Variants in RBFOX1 observed in about 807,000 individuals in gnomAD.
The protein encoded by RBFOX1 is RNA binding protein fox-1 homolog 1.
Under a neutral mutation model 57.7 loss-of-function variants are expected in RBFOX1, and 8 were observed. The ratio of observed to expected loss-of-function variants is 0.14; its 90% CI spans 0.08 to 0.25. The LOEUF (loss-of-function observed/expected upper bound fraction) is 0.25, where lower values mean the gene tolerates loss of function less well. Among genes scored for constraint, RBFOX1 ranks in the 10% least tolerant of loss-of-function variants. The pLI is 1.00. For missense variants in RBFOX1, 611 were observed against 548.5 expected, an observed-to-expected ratio of 1.11 and a Z score of -1.14; for synonymous variants, 326 against 222.4, an observed-to-expected ratio of 1.47 and a Z score of -4.15.
intron 10 of RBFOX1, among the ~76,000 whole-genome samples, chr16:7,626,119 G>C (rs2060028770): frequency 6.6e-6 from 1 of 152,246 alleles, no homozygotes; most frequent in Non-Finnish European, 1.5e-5. Context: ...AGATTTCCTG[G>C]AAAAAGACAA....
chr16:6,782,472 T>G (rs1223906420), intron 3 of RBFOX1, among the ~76,000 whole-genome samples: 1 of 152,126 alleles, frequency 6.6e-6, no homozygotes, highest in African/African-American at 2.4e-5. Flanking sequence ...CTCTTATTGA[T>G]CTCTTCATGT....
rs181152949 is a variant in RBFOX1, at chr16:5,437,057, C to G, written c.220-30159C>G. On this transcript the variant is annotated intron_variant, in intron 1 of 2. Transcript: ENST00000585867. ...AGACAGGCTTTCTGATGGGTTAATC[C>G]TCATATCTAGAGTGTAGACTGAACT... 4.6e-5 allele frequency among the ~76,000 whole-genome samples: 7 copies of G among 152,238 alleles called. No individual in the cohort carries two copies. The East Asian group carries it at 1.2e-3, about 25-fold the overall frequency.
intron 4 of RBFOX1, among the ~76,000 whole-genome samples, chr16:7,365,151 C>T (rs1274126395): frequency 6.6e-6 from 1 of 152,186 alleles, no homozygotes; most frequent in Non-Finnish European, 1.5e-5. Flanking sequence ...GGTTTCAAGA[C>T]TACTGTCACG....
chr16:5,584,263 A>G (rs1243676697), intron 2 of RBFOX1, among the ~76,000 whole-genome samples: 1 of 152,176 alleles, frequency 6.6e-6, no homozygotes, highest in Non-Finnish European at 1.5e-5. Flanking sequence ...GAGCTTCTGT[A>G]ATAATCCGTG....
At chr16:5,467,682 A>G (rs1020801080) in intron 2 of RBFOX1, among the ~76,000 whole-genome samples, 10 of 152,212 alleles carry the variant, frequency 6.6e-5, no homozygotes, top group Non-Finnish European at 1.2e-4. Context: ...AAACAGATCT[A>G]TACCTTAGGG....
At chr16:5,242,850 G>C (rs1205551084) in intron 1 of RBFOX1, among the ~76,000 whole-genome samples, 1 of 152,072 alleles carries the variant, frequency 6.6e-6, no homozygotes, top group Admixed American at 6.6e-5. Context: ...CCCAGGCTGT[G>C]CTCTTGTGGT....
At chr16:6,146,569 G>T (rs1438076523) in intron 1 of RBFOX1, among the ~76,000 whole-genome samples, 1 of 152,066 alleles carries the variant, frequency 6.6e-6, no homozygotes, top group Admixed American at 6.5e-5. Context: ...ACTGATACTG[G>T]CATTTTCTGC....
At chr16:6,713,242 A>T (rs568160911) in intron 3 of RBFOX1, among the ~76,000 whole-genome samples, 3 of 146,088 alleles carry the variant, frequency 2.1e-5, no homozygotes, top group African/African-American at 7.7e-5. Context: ...CTCACATGCA[A>T]CTCTGACCAT....
intron 1 of RBFOX1, among the ~76,000 whole-genome samples, chr16:6,091,771 C>T (rs902984405): frequency 6.6e-6 from 1 of 152,140 alleles, no homozygotes; most frequent in Non-Finnish European, 1.5e-5. Flanking sequence ...TTGGAGGTTG[C>T]AGAGAGCCAA....
At chr16:7,674,458 G>C (rs1478799499) in intron 13 of RBFOX1, among the ~76,000 whole-genome samples, 2 of 152,164 alleles carry the variant, frequency 1.3e-5, no homozygotes, top group Non-Finnish European at 2.9e-5. Context: ...GTGGTCTACT[G>C]CACAGCAATG....
chr16:5,578,239 C>G (rs11859338), intron 2 of RBFOX1, among the ~76,000 whole-genome samples: 76 of 152,264 alleles, frequency 5.0e-4, no homozygotes, highest in African/African-American at 1.8e-3. Flanking sequence ...CATGAGCTGC[C>G]GTGCCTGCCC....
intron 3 of RBFOX1, among the ~76,000 whole-genome samples, chr16:7,003,288 C>A (rs937382291): frequency 6.6e-6 from 1 of 151,692 alleles, no homozygotes; most frequent in Non-Finnish European, 1.5e-5. Flanking sequence ...GTGAAACCCC[C>A]GTCTCTACTA....
chr16:5,564,920 C>T (rs1032611182), intron 2 of RBFOX1, among the ~76,000 whole-genome samples: 1 of 152,136 alleles, frequency 6.6e-6, no homozygotes, highest in South Asian at 2.1e-4. Flanking sequence ...GAACACACCT[C>T]AGCCTTGGCA....
In RBFOX1 at chr16:5,425,396, G is replaced by A. The variant is rs559742349; in HGVS notation, c.220-41820G>A. Among the ~76,000 whole-genome samples the A allele has an allele frequency of 3.3e-5, 5 of 152,184 alleles. No homozygotes were observed. In the East Asian group the frequency reaches 9.7e-4, roughly 29 times the overall value. Reference sequence around the variant, plus strand: ...TGGGATTACAGGCATGAGCCACCGCGCCCGGCCAGCATGTGTGTTTTCTAT... The same window carrying A: ...TGGGATTACAGGCATGAGCCACCGCACCCGGCCAGCATGTGTGTTTTCTAT... On this transcript the variant is annotated intron_variant, in intron 1 of 2. Coordinates refer to the RBFOX1 transcript ENST00000585867.
intron 4 of RBFOX1, among the ~76,000 whole-genome samples, chr16:7,504,398 A>T (rs549243583): frequency 6.6e-6 from 1 of 152,064 alleles, no homozygotes; most frequent in Admixed American, 6.5e-5. Context: ...TTAGGGTGGC[A>T]GGAACATGGT....
intron 4 of RBFOX1, among the ~76,000 whole-genome samples, chr16:7,470,216 C>T (rs367686170): frequency 1.3e-5 from 2 of 152,212 alleles, no homozygotes; most frequent in Admixed American, 1.3e-4. Context: ...TAGAACTTAT[C>T]TCACAGAGTA....
In RBFOX1 at chr16:7,155,216, T is replaced by A. The variant is rs183779760; in HGVS notation, c.27+103118T>A. 6.6e-4 allele frequency among the ~76,000 whole-genome samples: 101 copies of A among 152,266 alleles called. 1 individual carries two copies. The East Asian group carries it at 0.019, about 28-fold the overall frequency. ...AGCTGAAACAAAGTTTTTAGCTTTT[T>A]AAAAAAATTAATTTTGAGAGAGTGA... On this transcript the variant is annotated intron_variant, in intron 4 of 15. Transcript: ENST00000550418.
At chr16:7,706,028 C>T (rs1040974976) in intron 14 of RBFOX1, among the ~76,000 whole-genome samples, 1 of 152,130 alleles carries the variant, frequency 6.6e-6, no homozygotes, top group Non-Finnish European at 1.5e-5. Flanking sequence ...TGTGGACATC[C>T]TGGGTATTGC....
chr16:5,668,303 TA>T (rs35464840), intron 3 of RBFOX1, among the ~76,000 whole-genome samples: 2 of 152,004 alleles, frequency 1.3e-5, no homozygotes, highest in African/African-American at 2.4e-5. Context: ...AACACCAATT[TA>T]AAAAAAAAGA....
Sources: allele counts gnomAD v4.1 joint callset (sites outside exome capture counted in the v4.1 genomes callset), GRCh38; gene constraint gnomAD v4.1.1; transcripts MANE v1.5; gene names NCBI Gene and HGNC (gene_info 2026-07-23, HGNC 2026-07-21).